Variants in TSHZ3 observed in about 807,000 individuals in gnomAD.
TSHZ3 encodes teashirt zinc finger homeobox 3.
TSHZ3 carries 10 observed loss-of-function variants against 64.5 expected under a neutral mutation model. That is an observed-to-expected ratio of 0.16 (90% CI 0.10 to 0.26). TSHZ3 has a LOEUF of 0.26. Among genes scored for constraint, TSHZ3 ranks in the 10% least tolerant of loss-of-function variants. The probability of loss-of-function intolerance (pLI) is 1.00; values close to 1 mark genes in which losing one functional copy is unlikely to be tolerated. For synonymous variants in TSHZ3, 608 were observed against 593.1 expected, an observed-to-expected ratio of 1.03 and a Z score of -0.36; for missense variants, 1,242 against 1,421.7, an observed-to-expected ratio of 0.87 and a Z score of 2.03.
At chr19:31,211,063 T>C (rs1369023473) in intron 4 of TSHZ3, among the ~76,000 whole-genome samples, 1 of 152,238 alleles carries the variant, frequency 6.6e-6, no homozygotes, top group African/African-American at 2.4e-5. Context: ...TGGAATTTTA[T>C]GGACACTATA....
intron 6 of TSHZ3, among the ~76,000 whole-genome samples, chr19:31,151,796 CT>C (rs1410525659): frequency 6.6e-6 from 1 of 152,152 alleles, no homozygotes; most frequent in Non-Finnish European, 1.5e-5. Flanking sequence ...GAAATTCAGG[CT>C]GAGACTGGCG....
At chr19:31,270,174 A>G (rs60399896), downstream of TSHZ3, among the ~76,000 whole-genome samples, 2,205 of 152,306 alleles carry the variant, frequency 0.014, 57 homozygotes, top group African/African-American at 0.05. Flanking sequence ...CTTGGCTTTG[A>G]TCAGAGATAG....
intron 1 of TSHZ3, among the ~76,000 whole-genome samples, chr19:31,261,689 T>A (rs1975983886): frequency 6.6e-6 from 1 of 152,212 alleles, no homozygotes; most frequent in Non-Finnish European, 1.5e-5. Flanking sequence ...TGCAGCCACA[T>A]ATACGTTACA....
chr19:31,196,162 G>A (rs1974990550), intron 5 of TSHZ3, among the ~76,000 whole-genome samples: 1 of 151,830 alleles, frequency 6.6e-6, no homozygotes, highest in Non-Finnish European at 1.5e-5. Context: ...GGAAGAATTA[G>A]GAGTATTTTG....
At chr19:31,310,433 G>A (rs537068560) in intron 1 of TSHZ3, among the ~76,000 whole-genome samples, 1 of 152,238 alleles carries the variant, frequency 6.6e-6, no homozygotes, top group Non-Finnish European at 1.5e-5. Context: ...GGTGTCCAGG[G>A]TGGTCTGCAA....
At chr19:31,346,936 G>A (rs1360957447) in intron 1 of TSHZ3, among the ~76,000 whole-genome samples, 1 of 151,532 alleles carries the variant, frequency 6.6e-6, no homozygotes, top group Non-Finnish European at 1.5e-5. Flanking sequence ...GAGGCATTCT[G>A]ATAAAGTAAA....
intron 4 of TSHZ3, among the ~76,000 whole-genome samples, chr19:31,220,086 C>A (rs1975378857): frequency 6.6e-6 from 1 of 151,978 alleles, no homozygotes; most frequent in Non-Finnish European, 1.5e-5. Flanking sequence ...AAATCCTTTT[C>A]AACAAACAGT....
chr19:31,178,475 T>A (rs761757288), intron 5 of TSHZ3, among the ~76,000 whole-genome samples: 5 of 151,840 alleles, frequency 3.3e-5, no homozygotes, highest in African/African-American at 4.8e-5. Flanking sequence ...AGGTCAGGAG[T>A]TCAAGACCAG....
Position 31,186,250 on chromosome 19 carries a change from G to A in TSHZ3, n.809+18706C>T, listed in dbSNP as rs573450107. On this transcript the variant is annotated intron_variant and non_coding_transcript_variant, in intron 5 of 6. Transcript: ENST00000651361. The stretch of plus-strand genomic sequence containing the variant: ...TAATTCTATGAGAAACTACTGAGAT[G>A]GTTTGGCTATGTCCCCACCCGAATC... Among the ~76,000 whole-genome samples the A allele has an allele frequency of 2.0e-5, 3 of 152,256 alleles. No homozygotes were observed. The South Asian group carries it at 6.2e-4, about 31-fold the overall frequency.
chr19:31,195,729 A>G (rs1313377015), intron 5 of TSHZ3: 1 of 152,092 alleles, frequency 6.6e-6, no homozygotes, highest in Non-Finnish European at 1.5e-5. Context: ...TATTTTTCTT[A>G]CAACAAATAC....
In TSHZ3 at chr19:31,225,115, G is replaced by A. The variant is rs866541819; in HGVS notation, n.686+2890C>T. 2.0e-5 allele frequency among the ~76,000 whole-genome samples: 3 copies of A among 152,198 alleles called. No homozygotes were observed. The East Asian group carries it at 5.8e-4, about 29-fold the overall frequency. On this transcript the variant is annotated intron_variant and non_coding_transcript_variant, in intron 4 of 6. Transcript: ENST00000651361. ...GCAACCTCCTAAATCAGAAAAGGGGGCATTAAAAATGTTTTTCCTTCATGC... is the reference window on the plus strand; with the variant it reads ...GCAACCTCCTAAATCAGAAAAGGGGACATTAAAAATGTTTTTCCTTCATGC...
chr19:31,209,616 G>A (rs1395804521), intron 4 of TSHZ3, among the ~76,000 whole-genome samples: 1 of 152,186 alleles, frequency 6.6e-6, no homozygotes, highest in Non-Finnish European at 1.5e-5. Flanking sequence ...TTATTGTCGT[G>A]TTCGTTGTTA....
intron 5 of TSHZ3, among the ~76,000 whole-genome samples, chr19:31,184,573 A>G (rs1568340459): frequency 6.6e-6 from 1 of 152,140 alleles, no homozygotes; most frequent in Admixed American, 6.6e-5. Context: ...GCCAATGCAT[A>G]TATTTTTACT....
chr19:31,221,975 T>C (rs1975399617), intron 4 of TSHZ3, among the ~76,000 whole-genome samples: 1 of 152,162 alleles, frequency 6.6e-6, no homozygotes, highest in Non-Finnish European at 1.5e-5. Context: ...TGGAGTACAG[T>C]GACATGAGGT....
rs745562220 is a variant in TSHZ3 at position 31,276,973 on chromosome 19, C to A, written c.2820G>T (p.Gly940=). The A allele has an allele frequency of 3.7e-6, 6 of 1,613,788 alleles. No individual in the cohort carries two copies. The South Asian group carries it at 6.6e-5, about 18-fold the overall frequency. Residue 940 remains glycine, a synonymous_variant, in exon 2 of 2, where the codon GGG becomes GGT. Transcript: ENST00000240587. ...AGTGGCTGATGGTGGTCATGGACAG[C>A]CCGGTGAACCTGGAGATATGCATCC... ...QERMHISRFT[G]LSMTTISHWL...
chr19:31,190,226 T>C (rs191093472), intron 5 of TSHZ3, among the ~76,000 whole-genome samples: 56 of 152,240 alleles, frequency 3.7e-4, no homozygotes, highest in Middle Eastern at 3.4e-3. Context: ...GCAATCTACG[T>C]AGATGTTCCC....
intron 4 of TSHZ3, among the ~76,000 whole-genome samples, chr19:31,206,036 G>T (rs904122607): frequency 6.6e-6 from 1 of 152,022 alleles, no homozygotes; most frequent in Admixed American, 6.6e-5. Flanking sequence ...TGGATGAATT[G>T]ATGGGTGAGT....
At chr19:31,248,813 G>GGAAAAA (rs370965701) in intron 1 of TSHZ3, among the ~76,000 whole-genome samples, 2 of 149,428 alleles carry the variant, frequency 1.3e-5, no homozygotes, top group African/African-American at 4.9e-5. Context: ...AGAAGAAGAA[G>GGAAAAA]GAAAAAGAAA....
At chr19:31,198,943 G>A (rs1337080956) in intron 5 of TSHZ3, among the ~76,000 whole-genome samples, 1 of 152,128 alleles carries the variant, frequency 6.6e-6, no homozygotes, top group East Asian at 1.9e-4. Context: ...GATTTACAGG[G>A]AGAGGTAAAA....
Sources: gnomAD v4.1 joint callset for allele counts (sites outside exome capture counted in the v4.1 genomes callset) on GRCh38, gnomAD v4.1.1 for gene constraint, MANE v1.5 for transcripts, NCBI Gene and HGNC (gene_info 2026-07-23, HGNC 2026-07-21) for gene names.